SLC14A2: variants seen among roughly 807,000 people sequenced by gnomAD.
The protein encoded by SLC14A2 is solute carrier family 14 member 2, also known as urea transporter 2.
SLC14A2 carries 91 observed loss-of-function variants against 104.6 expected under a neutral mutation model. The ratio of observed to expected loss-of-function variants is 0.87; its 90% CI spans 0.73 to 1.04. The LOEUF (loss-of-function observed/expected upper bound fraction) is 1.04. SLC14A2 is among the 50% of genes least tolerant of loss of function. The pLI, the probability that SLC14A2 is intolerant of heterozygous loss-of-function variation, is 0.00. For synonymous variants in SLC14A2, 476 were observed against 466.4 expected, an observed-to-expected ratio of 1.02 and a Z score of -0.27; for missense variants, 1,189 against 1,156.0, an observed-to-expected ratio of 1.03 and a Z score of -0.41.
At position 45,305,058 on chromosome 18, in the gene SLC14A2, C is replaced by T. The variant is rs910196855; in HGVS notation, c.-125+91867C>T. On this transcript the variant is annotated intron_variant, in intron 1 of 20. Transcript: ENST00000586448. ...TCTGTGGTCAAATACAAATGAGTGCCTCTAGCCTGACTTGTGACCTGGGTT... is the reference window on the plus strand; with the variant it reads ...TCTGTGGTCAAATACAAATGAGTGCTTCTAGCCTGACTTGTGACCTGGGTT... 2.1e-4 allele frequency among the ~76,000 whole-genome samples: 32 copies of T among 152,204 alleles called. 1 individual carries two copies. Among genetic ancestry groups the T allele is most frequent in the African/African-American group, 7.7e-4 (32 of 41,456 alleles).
intron 2 of SLC14A2, among the ~76,000 whole-genome samples, chr18:45,603,180 CTCAA>C (rs1379476965): frequency 2.6e-5 from 4 of 152,090 alleles, no homozygotes; most frequent in Non-Finnish European, 5.9e-5. Context: ...ATGACCACTG[CTCAA>C]TCATTCACAA....
chr18:45,393,217 G>A (rs762433322), intron 1 of SLC14A2, among the ~76,000 whole-genome samples: 1 of 152,198 alleles, frequency 6.6e-6, no homozygotes, highest in African/African-American at 2.4e-5. Context: ...AATAAAAGAT[G>A]CATGAATAAA....
upstream of SLC14A2, chr18:45,615,382 C>T (rs1402151020): frequency 1.3e-5 from 2 of 152,200 alleles, no homozygotes; most frequent in Non-Finnish European, 2.9e-5. Context: ...GTGACTGGAT[C>T]ATGGGAGCGG....
intron 1 of SLC14A2, among the ~76,000 whole-genome samples, chr18:45,454,582 C>T (rs2086911141): frequency 6.6e-6 from 1 of 152,126 alleles, no homozygotes. Context: ...TTTTCCCATG[C>T]CTATGTCCTG....
chr18:45,552,478 C>T (rs1035385735), intron 2 of SLC14A2, among the ~76,000 whole-genome samples: 4 of 151,842 alleles, frequency 2.6e-5, no homozygotes, highest in African/African-American at 9.7e-5. Flanking sequence ...ATTCATTTCA[C>T]AAATACCGAC....
intron 1 of SLC14A2, among the ~76,000 whole-genome samples, chr18:45,368,607 T>C (rs972724151): frequency 3.3e-5 from 5 of 152,202 alleles, no homozygotes; most frequent in Admixed American, 3.3e-4. Flanking sequence ...TAACAATCCA[T>C]GAAACTTCGC....
At chr18:45,460,115 A>T (rs2087017175) in intron 1 of SLC14A2, among the ~76,000 whole-genome samples, 1 of 152,212 alleles carries the variant, frequency 6.6e-6, no homozygotes, top group African/African-American at 2.4e-5. Flanking sequence ...TTCCACTGGC[A>T]TGAAGATGTG....
At chr18:45,553,907 G>A (rs1035080260) in intron 2 of SLC14A2, among the ~76,000 whole-genome samples, 4 of 152,142 alleles carry the variant, frequency 2.6e-5, no homozygotes, top group African/African-American at 9.7e-5. Context: ...TGAAAAAAAC[G>A]CCATACAAGG....
upstream of SLC14A2, among the ~76,000 whole-genome samples, chr18:45,208,146 T>C (rs999827643): frequency 1.3e-5 from 2 of 152,204 alleles, no homozygotes; most frequent in African/African-American, 4.8e-5. Flanking sequence ...AGATATGCAC[T>C]TCTCACAAGC....
At chr18:45,445,196 C>T (rs1298599972) in intron 1 of SLC14A2, among the ~76,000 whole-genome samples, 1 of 151,142 alleles carries the variant, frequency 6.6e-6, no homozygotes, top group Non-Finnish European at 1.5e-5. Flanking sequence ...ACCGAAACCT[C>T]CGCCTCCCAG....
intron 1 of SLC14A2, among the ~76,000 whole-genome samples, chr18:45,234,207 A>G (rs1268085729): frequency 3.9e-5 from 6 of 152,218 alleles, no homozygotes. Context: ...GGCTAAGAAT[A>G]TGGAGCTTTG....
At chr18:45,296,299 T>C (rs924376702) in intron 1 of SLC14A2, among the ~76,000 whole-genome samples, 1 of 152,106 alleles carries the variant, frequency 6.6e-6, no homozygotes, top group Non-Finnish European at 1.5e-5. Context: ...GTGGGATAGG[T>C]ATAAATGTAG....
chr18:45,652,925 C>T (rs146795220), intron 10 of SLC14A2, among the ~76,000 whole-genome samples: 1 of 152,210 alleles, frequency 6.6e-6, no homozygotes, highest in Non-Finnish European at 1.5e-5. Context: ...CCTTCTTAAG[C>T]AGTCATTTCC....
chr18:45,361,058 C>T (rs1341680830), intron 1 of SLC14A2, among the ~76,000 whole-genome samples: 3 of 152,090 alleles, frequency 2.0e-5, no homozygotes, highest in South Asian at 4.2e-4. Context: ...TGTTCTCTTC[C>T]CCTGAAACTG....
intron 1 of SLC14A2, among the ~76,000 whole-genome samples, chr18:45,355,894 C>T (rs1049832235): frequency 6.6e-6 from 1 of 152,090 alleles, no homozygotes; most frequent in Non-Finnish European, 1.5e-5. Context: ...ATGGGTTAAT[C>T]TCAACCAAGG....
At chr18:45,293,558 G>A (rs2084891790) in intron 1 of SLC14A2, among the ~76,000 whole-genome samples, 1 of 151,358 alleles carries the variant, frequency 6.6e-6, no homozygotes, top group African/African-American at 2.4e-5. Flanking sequence ...GAGAAGAGGG[G>A]GCAGTGAGGG....
chr18:45,205,920 T>A, the SLC14A2 span, among the ~76,000 whole-genome samples: 1 of 152,132 alleles, frequency 6.6e-6, no homozygotes, highest in Admixed American at 6.5e-5. Flanking sequence ...GGGAGGGGGA[T>A]CCCAAAGAAA....
intron 1 of SLC14A2, among the ~76,000 whole-genome samples, chr18:45,396,983 CAAA>C (rs2086040918): frequency 6.6e-6 from 1 of 152,156 alleles, no homozygotes; most frequent in Non-Finnish European, 1.5e-5. Flanking sequence ...CATGTTTCCA[CAAA>C]AGACATGATC....
intron 2 of SLC14A2, among the ~76,000 whole-genome samples, chr18:45,533,828 G>A (rs1251368237): frequency 6.6e-6 from 1 of 151,976 alleles, no homozygotes; most frequent in South Asian, 2.1e-4. Flanking sequence ...TTTCTCTTGT[G>A]GGCATTTAGT....
Sources: allele counts gnomAD v4.1 joint callset (sites outside exome capture counted in the v4.1 genomes callset), GRCh38; gene constraint gnomAD v4.1.1; transcripts MANE v1.5; gene names NCBI Gene and HGNC (gene_info 2026-07-23, HGNC 2026-07-21).